The following CCDC38 variants were observed in gnomAD, a reference collection of about 807,000 sequenced individuals.
CCDC38 encodes coiled-coil domain-containing protein 38.
A neutral mutation model predicts 72.8 loss-of-function variants in CCDC38; 69 were observed. The ratio of observed to expected loss-of-function variants is 0.95; its 90% confidence interval spans 0.78 to 1.16. CCDC38 has a LOEUF of 1.16. CCDC38 is among the 50% of genes most tolerant of loss of function. CCDC38 has a pLI of 0.00. For synonymous variants in CCDC38, 201 were observed against 213.2 expected (o/e 0.94, Z 0.50); for missense variants, 626 against 638.9 (o/e 0.98, Z 0.22).
In CCDC38 at chr12:95,898,482, A is replaced by T; in HGVS notation, c.534-17T>A. 6.2e-7 allele frequency: 1 copy of T among 1,613,676 alleles called. No individual in the cohort carries two copies. Among genetic ancestry groups the T allele is most frequent in the Non-Finnish European group, 8.5e-7 (1 of 1,179,894 alleles). ...TGTGCTGCCCTGAAAAGCAATGAAG[A>T]TCTGTTAATTTGCTTCTTAGAAACA... On this transcript the variant is annotated splice_polypyrimidine_tract_variant and intron_variant, in intron 6 of 15. Coordinates refer to ENST00000344280, the MANE Select transcript of CCDC38 (RefSeq NM_182496.3).
intron 2 of CCDC38, among the ~76,000 whole-genome samples, chr12:95,923,124 A>G (rs2080226968): frequency 6.6e-6 from 1 of 152,050 alleles, no homozygotes; most frequent in African/African-American, 2.4e-5. Context: ...ATCTTCTCCT[A>G]TGCTGAGACT....
intron 2 of CCDC38, chr12:95,919,761 G>A (rs1388686035): frequency 2.6e-6 from 1 of 386,906 alleles, no homozygotes; most frequent in Non-Finnish European, 5.2e-6. Context: ...AACAGCAACA[G>A]ATACAGCCAC....
chr12:95,918,428 C>T (rs2080169099), intron 3 of CCDC38, among the ~76,000 whole-genome samples: 1 of 152,206 alleles, frequency 6.6e-6, no homozygotes, highest in South Asian at 2.1e-4. Context: ...AAGATGAACA[C>T]CCCTTTCTCT....
chr12:95,868,353 C>CA (rs1294043299), intron 15 of CCDC38, among the ~76,000 whole-genome samples: 2 of 152,008 alleles, frequency 1.3e-5, no homozygotes, highest in Admixed American at 6.6e-5. Context: ...ATAATAATTT[C>CA]AATTTGGTGG....
intron 4 of CCDC38, among the ~76,000 whole-genome samples, chr12:95,906,749 A>C (rs1000022635): frequency 6.6e-5 from 10 of 151,710 alleles, no homozygotes; most frequent in Non-Finnish European, 1.3e-4. Context: ...TGAGGTCCTG[A>C]AGTGTAGAGC....
chr12:95,934,633 T>C (rs1362589944), intron 2 of CCDC38: 3 of 151,526 alleles, frequency 2.0e-5, no homozygotes, highest in African/African-American at 7.2e-5. Flanking sequence ...TTCTGCATTT[T>C]GTTTTTTTTG....
At chr12:95,875,848 T>G (rs2079630263) in intron 13 of CCDC38, among the ~76,000 whole-genome samples, 1 of 152,214 alleles carries the variant, frequency 6.6e-6, no homozygotes, top group Non-Finnish European at 1.5e-5. Context: ...TTTCTTTCTT[T>G]AGGTATCTGG....
chr12:95,933,557 C>T (rs1461058013), intron 2 of CCDC38: 1 of 152,196 alleles, frequency 6.6e-6, no homozygotes, highest in Non-Finnish European at 1.5e-5. Flanking sequence ...TATAATTCCA[C>T]AGGATCTCTA....
At chr12:95,926,354 G>A (rs1005699448) in intron 2 of CCDC38, among the ~76,000 whole-genome samples, 1 of 152,088 alleles carries the variant, frequency 6.6e-6, no homozygotes, top group Non-Finnish European at 1.5e-5. Flanking sequence ...ATTCTCTGAT[G>A]GTAGTTTGTA....
intron 11 of CCDC38, among the ~76,000 whole-genome samples, chr12:95,880,265 C>T (rs569878618): frequency 5.3e-5 from 8 of 152,154 alleles, no homozygotes; most frequent in South Asian, 2.1e-4. Context: ...TCATTATTCA[C>T]GATAGCCAAG....
At position 95,919,325 on chromosome 12, in the gene CCDC38, C is replaced by T. The variant is rs79106906; in HGVS notation, c.38-349G>A. ...GCTCGGCATTTGCCTTATTTGAACA[C>T]AGTTTGAGCACTCAGCAGTGTATGA... On this transcript the variant is annotated intron_variant, in intron 2 of 15. Transcript: ENST00000344280. The T allele has an allele frequency of 4.9e-3, 1,744 of 358,794 alleles. 71 individuals are homozygous for T. In the East Asian group the frequency reaches 0.1, roughly 21 times the overall value. The allele number at this position is 358,794 out of a possible 1,614,324, so 22.2% of individuals were successfully genotyped here.
intron 2 of CCDC38, among the ~76,000 whole-genome samples, chr12:95,923,790 G>T (rs1388818589): frequency 6.7e-6 from 1 of 149,800 alleles, no homozygotes; most frequent in African/African-American, 2.5e-5. Context: ...AGAATATGTG[G>T]TGTTTGGTTT....
intron 3 of CCDC38, among the ~76,000 whole-genome samples, chr12:95,918,477 A>C (rs1239675432): frequency 6.6e-6 from 1 of 151,640 alleles, no homozygotes; most frequent in African/African-American, 2.4e-5. Flanking sequence ...TATTTCCTCC[A>C]CTCTGAGATG....
intron 3 of CCDC38, among the ~76,000 whole-genome samples, chr12:95,918,190 A>G (rs1262849525): frequency 6.6e-6 from 1 of 152,224 alleles, no homozygotes; most frequent in Non-Finnish European, 1.5e-5. Flanking sequence ...TGTGATGACC[A>G]CAGCAGTGGT....
Position 95,918,764 on chromosome 12 carries a change from C to T in CCDC38, c.138+112G>A, listed in dbSNP as rs1263626369. 13 of 682,296 alleles carry T rather than the reference C, an allele frequency of 1.9e-5. No individual in the cohort carries two copies. In the East Asian group the frequency reaches 3.4e-4, roughly 18 times the overall value. The allele number at this position is 682,296 out of a possible 1,614,324, so 42.3% of individuals were successfully genotyped here. A position where few individuals can be genotyped will look rare whatever the true frequency, so the allele number is the denominator to read the frequency against. ...TCCCCATCATGGTGTGGGGCACACA[C>T]CATCTGCGTCTAGTTGACTCCATGT... On this transcript the variant is annotated intron_variant, in intron 3 of 15. Transcript: ENST00000344280.
At chr12:95,926,615 T>C (rs1274347712) in intron 2 of CCDC38, among the ~76,000 whole-genome samples, 1 of 152,062 alleles carries the variant, frequency 6.6e-6, no homozygotes, top group Non-Finnish European at 1.5e-5. Context: ...GCTTTTCTAG[T>C]TCTTTTAATT....
At chr12:95,904,257 G>A (rs190830536) in intron 5 of CCDC38, among the ~76,000 whole-genome samples, 26 of 152,288 alleles carry the variant, frequency 1.7e-4, no homozygotes, top group East Asian at 1.9e-4. Flanking sequence ...AAATAAAGAT[G>A]CCATGAAGCC....
intron 1 of CCDC38, among the ~76,000 whole-genome samples, chr12:95,941,686 T>G (rs1425527294): frequency 6.6e-6 from 1 of 152,206 alleles, no homozygotes; most frequent in Non-Finnish European, 1.5e-5. Context: ...TTTTAATATT[T>G]CTCTGTGAAT....
intron 12 of CCDC38, among the ~76,000 whole-genome samples, 160 bp from the exon 13 acceptor site, chr12:95,878,506 C>G (rs2079662148): frequency 6.6e-6 from 1 of 152,176 alleles, no homozygotes; most frequent in South Asian, 2.1e-4. Flanking sequence ...TGCAACTTTT[C>G]AAGTTAAAAT....
Sources: allele counts gnomAD v4.1 joint callset (sites outside exome capture counted in the v4.1 genomes callset), GRCh38; gene constraint gnomAD v4.1.1; transcripts MANE v1.5; gene names NCBI Gene and HGNC (gene_info 2026-07-23, HGNC 2026-07-21).